RSPH14: variants seen among roughly 807,000 people sequenced by gnomAD.
RSPH14 encodes radial spoke head 14 homolog.
RSPH14 carries 20 observed loss-of-function variants against 26.7 expected under a neutral mutation model. The ratio of observed to expected loss-of-function variants is 0.75; its 90% CI spans 0.53 to 1.09. The LOEUF (loss-of-function observed/expected upper bound fraction) is 1.09, where lower values mean the gene tolerates loss of function less well. Ranked by LOEUF, RSPH14 falls within the 50% of genes least tolerant of loss-of-function variation. The probability of loss-of-function intolerance (pLI) is 0.00; values close to 1 mark genes in which losing one functional copy is unlikely to be tolerated. For missense variants in RSPH14, 449 were observed against 457.2 expected, an observed-to-expected ratio of 0.98 and a Z score of 0.16; for synonymous variants, 177 against 189.3, an observed-to-expected ratio of 0.93 and a Z score of 0.53.
chr22:23,170,737 A>G, the RSPH14 span, among the ~76,000 whole-genome samples: 1 of 151,734 alleles, frequency 6.6e-6, no homozygotes, highest in Admixed American at 6.6e-5. Flanking sequence ...ACCTCAAAAT[A>G]AATAAATAAA....
chr22:23,160,777 A>G, the RSPH14 span: 3 of 1,499,776 alleles, frequency 2.0e-6, no homozygotes, highest in Non-Finnish European at 2.7e-6. Context: ...AGAAAGGGCT[A>G]CGTGCCAACC....
chr22:23,155,836 C>T, the RSPH14 span: 455 of 734,158 alleles, frequency 6.2e-4, 2 homozygotes, highest in South Asian at 1.4e-3. Flanking sequence ...TCACAACAGG[C>T]ACTTCCTGAA....
intron 3 of RSPH14, 52 bp downstream of exon 3, chr22:23,138,788 G>C: frequency 6.9e-7 from 1 of 1,457,106 alleles, no homozygotes. Flanking sequence ...ATCCACCCAG[G>C]GGAGAAGTGC....
the RSPH14 span, among the ~76,000 whole-genome samples, chr22:23,169,313 A>G: frequency 2.0e-5 from 3 of 152,104 alleles, no homozygotes; most frequent in African/African-American, 4.8e-5. Context: ...CCAGCTCCCT[A>G]TGGTTGATAG....
chr22:23,157,990 A>G, the RSPH14 span: 1 of 1,614,142 alleles, frequency 6.2e-7, no homozygotes, highest in Non-Finnish European at 8.5e-7. Flanking sequence ...CCGGGTGTCT[A>G]GTGATCATCA....
intron 4 of RSPH14, among the ~76,000 whole-genome samples, chr22:23,108,955 AC>A (rs2069564506): frequency 6.6e-6 from 1 of 152,180 alleles, no homozygotes; most frequent in Non-Finnish European, 1.5e-5. Flanking sequence ...TCTGAGGGTG[AC>A]CAGTGGGGGT....
At chr22:23,078,438 C>A (rs367791394) in intron 4 of RSPH14, among the ~76,000 whole-genome samples, 1 of 152,184 alleles carries the variant, frequency 6.6e-6, no homozygotes, top group African/African-American at 2.4e-5. Context: ...CCTTGTCCCC[C>A]CAACACTGCC....
At chr22:23,094,691 C>T (rs1214017057) in intron 4 of RSPH14, among the ~76,000 whole-genome samples, 1 of 152,254 alleles carries the variant, frequency 6.6e-6, no homozygotes, top group African/African-American at 2.4e-5. Context: ...TATCTGCTGG[C>T]TCCTGGGCTG....
intron 4 of RSPH14, among the ~76,000 whole-genome samples, chr22:23,109,174 C>T (rs1349345338): frequency 6.6e-6 from 1 of 152,192 alleles, no homozygotes; most frequent in African/African-American, 2.4e-5. Flanking sequence ...AGAATAACTG[C>T]TGTCTCACAG....
chr22:23,136,199 AG>A (rs2070480546), intron 3 of RSPH14: 1 of 702,452 alleles, frequency 1.4e-6, no homozygotes, highest in Non-Finnish European at 2.6e-6. Context: ...GGCAAGCAAG[AG>A]GGCAGGGAAC....
At chr22:23,130,809 A>G (rs2070347309) in intron 4 of RSPH14, among the ~76,000 whole-genome samples, 1 of 152,258 alleles carries the variant, frequency 6.6e-6, no homozygotes, top group East Asian at 1.9e-4. Flanking sequence ...TCACCAGGAC[A>G]GGGACAGTAA....
chr22:23,157,846 C>T, the RSPH14 span: 8 of 1,533,576 alleles, frequency 5.2e-6, no homozygotes, highest in South Asian at 8.9e-5. Flanking sequence ...GTTTCCTCCT[C>T]AGCCTTCATT....
intron 4 of RSPH14, among the ~76,000 whole-genome samples, chr22:23,128,781 G>A (rs562115204): frequency 6.6e-6 from 1 of 152,378 alleles, no homozygotes; most frequent in South Asian, 2.1e-4. Flanking sequence ...AAGCAGGTAA[G>A]TGAACTGTAG....
chr22:23,061,780 C>T (rs935252205), intron 6 of RSPH14, 29 bp downstream of exon 6: 11 of 1,612,944 alleles, frequency 6.8e-6, no homozygotes, highest in Non-Finnish European at 9.3e-6. Flanking sequence ...CTAGGGTCTC[C>T]CTCCCTGCGG....
chr22:23,101,939 C>T (rs1174407733), intron 4 of RSPH14, among the ~76,000 whole-genome samples: 1 of 152,228 alleles, frequency 6.6e-6, no homozygotes, highest in Non-Finnish European at 1.5e-5. Flanking sequence ...CCCCAGCCCG[C>T]ATCCCTCTCT....
upstream of RSPH14, chr22:23,144,963 A>G (rs2070689621): frequency 1.2e-5 from 2 of 171,716 alleles, no homozygotes; most frequent in Admixed American, 6.2e-5. Flanking sequence ...GCTTTTTATT[A>G]AGGAAATTAA....
chr22:23,116,871 G>A (rs889991617), intron 4 of RSPH14, among the ~76,000 whole-genome samples: 6 of 152,146 alleles, frequency 3.9e-5, no homozygotes, highest in Non-Finnish European at 7.4e-5. Flanking sequence ...CTCTTAAAAT[G>A]CAAATATGCC....
chr22:23,076,916 G>A (rs1040594198), intron 4 of RSPH14, among the ~76,000 whole-genome samples: 7 of 152,312 alleles, frequency 4.6e-5, no homozygotes, highest in Admixed American at 3.9e-4. Flanking sequence ...GTGACCCTGC[G>A]AATGCTTTCC....
At chr22:23,165,223 T>C in the RSPH14 span, among the ~76,000 whole-genome samples, 1 of 152,300 alleles carries the variant, frequency 6.6e-6, no homozygotes, top group African/African-American at 2.4e-5. Context: ...AGCAAGAAGG[T>C]TGCTCAAACA....
Sources: allele counts gnomAD v4.1 joint callset (sites outside exome capture counted in the v4.1 genomes callset), GRCh38; gene constraint gnomAD v4.1.1; transcripts MANE v1.5; gene names NCBI Gene and HGNC (gene_info 2026-07-23, HGNC 2026-07-21).